Variants in INTS9 observed in about 807,000 individuals in gnomAD.
INTS9 encodes the protein integrator complex subunit 9.
In INTS9, 55 loss-of-function variants were observed where a neutral mutation model predicts 79.7. The ratio of observed to expected loss-of-function variants is 0.69; its 90% CI spans 0.56 to 0.86. The LOEUF (loss-of-function observed/expected upper bound fraction) is 0.86, where lower values mean the gene tolerates loss of function less well. Among genes scored for constraint, INTS9 ranks in the 40% least tolerant of loss-of-function variants. INTS9 has a pLI of 0.00. For synonymous variants in INTS9, 319 were observed against 325.2 expected (o/e 0.98, Z 0.20); for missense variants, 721 against 831.5 (o/e 0.87, Z 1.64).
rs1358804002 is a variant in INTS9 at position 28,806,252 on chromosome 8, AAAAC to A, written c.744+6071_744+6074del. 4.6e-5 allele frequency among the ~76,000 whole-genome samples: 7 copies of A among 152,282 alleles called. No homozygotes were observed. The East Asian group carries it at 1.4e-3, about 29-fold the overall frequency. On this transcript the variant is annotated intron_variant, in intron 8 of 16. Coordinates refer to ENST00000521022, the MANE Select transcript of INTS9 (RefSeq NM_018250.4). The stretch of plus-strand genomic sequence containing the variant: ...CTCAAAAAAACAAAACAAAACAAAA[AAAAC>A]CAGGCACATATGAAATGGGAAAAAG...
At chr8:28,808,655 T>C (rs1250968825) in intron 8 of INTS9, among the ~76,000 whole-genome samples, 1 of 152,240 alleles carries the variant, frequency 6.6e-6, no homozygotes, top group Non-Finnish European at 1.5e-5. Context: ...TTAACTGGAA[T>C]GGCCATTAAC....
chr8:28,835,680 C>T (rs1806770093), intron 5 of INTS9, among the ~76,000 whole-genome samples: 1 of 152,194 alleles, frequency 6.6e-6, no homozygotes, highest in Non-Finnish European at 1.5e-5. Flanking sequence ...TTTTAACTCT[C>T]ACTCTAAGAT....
chr8:28,849,254 C>G (rs969521035), intron 3 of INTS9, among the ~76,000 whole-genome samples: 1 of 152,086 alleles, frequency 6.6e-6, no homozygotes, highest in Non-Finnish European at 1.5e-5. Context: ...CTTCTTATAC[C>G]TCTGATTTTA....
intron 1 of INTS9, among the ~76,000 whole-genome samples, chr8:28,872,104 G>C (rs774637522): frequency 6.6e-6 from 1 of 152,180 alleles, no homozygotes. Flanking sequence ...TGGGGAAGTG[G>C]AAACTCTCAT....
intron 9 of INTS9, among the ~76,000 whole-genome samples, chr8:28,794,223 C>T (rs1240093410): frequency 1.3e-5 from 2 of 152,128 alleles, no homozygotes; most frequent in African/African-American, 2.4e-5. Flanking sequence ...CATGTGACTA[C>T]GGGTTTGGGT....
At chr8:28,855,185 A>G (rs1262361542) in intron 2 of INTS9, among the ~76,000 whole-genome samples, 1 of 152,218 alleles carries the variant, frequency 6.6e-6, no homozygotes, top group African/African-American at 2.4e-5. Flanking sequence ...TCCAAGCTGG[A>G]GAAACAATAC....
chr8:28,849,222 A>AG (rs1807692890), intron 3 of INTS9, among the ~76,000 whole-genome samples: 1 of 152,150 alleles, frequency 6.6e-6, no homozygotes, highest in African/African-American at 2.4e-5. Flanking sequence ...AATTGGCCTG[A>AG]GGGGGCTTTA....
chr8:28,877,867 T>C (rs73239186), intron 1 of INTS9, among the ~76,000 whole-genome samples: 1 of 152,314 alleles, frequency 6.6e-6, no homozygotes, highest in Non-Finnish European at 1.5e-5. Context: ...ACAATATCTT[T>C]CAGGCAAATA....
At chr8:28,853,597 TA>T (rs1314974027) in intron 2 of INTS9, among the ~76,000 whole-genome samples, 1 of 152,188 alleles carries the variant, frequency 6.6e-6, no homozygotes, top group Non-Finnish European at 1.5e-5. Context: ...ATTTTTAAAG[TA>T]ATTGTTTATT....
intron 8 of INTS9, among the ~76,000 whole-genome samples, chr8:28,809,875 G>C: frequency 6.6e-6 from 1 of 152,104 alleles, no homozygotes; most frequent in Non-Finnish European, 1.5e-5. Context: ...GGCTATAAAA[G>C]AAGGTATAAA....
rs144182484 is a variant in INTS9, at chr8:28,800,093, T to C, written c.745-3438A>G. 4.3e-3 allele frequency among the ~76,000 whole-genome samples: 654 copies of C among 152,332 alleles called. 7 individuals carry two copies. Among genetic ancestry groups the C allele is most frequent in the African/African-American group, 0.014 (595 of 41,584 alleles). On this transcript the variant is annotated intron_variant, in intron 8 of 16. Coordinates refer to ENST00000521022, the MANE Select transcript of INTS9 (RefSeq NM_018250.4). ...ACTCCAAACTGAAAGTACTATTTAC[T>C]TGTCTGTGTCCCCCACAGGACTCTG...
At chr8:28,885,209 T>G (rs1810118825) in intron 1 of INTS9, among the ~76,000 whole-genome samples, 1 of 152,242 alleles carries the variant, frequency 6.6e-6, no homozygotes, top group Non-Finnish European at 1.5e-5. Flanking sequence ...AAGAATGTAT[T>G]TCGTGGCCTT....
At chr8:28,812,001 A>G (rs1386234769) in intron 8 of INTS9, among the ~76,000 whole-genome samples, 1 of 152,200 alleles carries the variant, frequency 6.6e-6, no homozygotes, top group Admixed American at 6.5e-5. Flanking sequence ...TGTGCATGAC[A>G]CTTGACACTT....
rs78559720 is a variant in INTS9 at position 28,796,533 on chromosome 8, C to T, written c.856+11G>A. On this transcript the variant is annotated intron_variant, in intron 9 of 16. Coordinates refer to ENST00000521022, the MANE Select transcript of INTS9 (RefSeq NM_018250.4). ...AGATCATCCAACGTAAGATGAGAGA[C>T]GGTTGCACACCTAGGTTGCTGCAGA... 5.6e-4 allele frequency: 815 copies of T among 1,463,378 alleles called. 2 individuals carry two copies. The African/African-American group carries it at 9.9e-3, about 18-fold the overall frequency. The allele number at this position is 1,463,378 out of a possible 1,614,324, so 90.6% of individuals were successfully genotyped here. A position where few individuals can be genotyped will look rare whatever the true frequency, so the allele number is the denominator to read the frequency against.
intron 1 of INTS9, among the ~76,000 whole-genome samples, chr8:28,888,344 G>C (rs1326260139): frequency 6.6e-6 from 1 of 152,182 alleles, no homozygotes; most frequent in East Asian, 1.9e-4. Flanking sequence ...TTGAACCCAG[G>C]AGTTTGAGAC....
At chr8:28,835,245 G>C (rs1219551172) in intron 6 of INTS9, 47 bp downstream of exon 6, 1 of 1,309,704 alleles carries the variant, frequency 7.6e-7, no homozygotes, top group East Asian at 2.3e-5. Context: ...GCTTTGCAAA[G>C]CACCTGGCTC....
chr8:28,814,852 A>G (rs1184156442), intron 6 of INTS9, among the ~76,000 whole-genome samples: 1 of 152,212 alleles, frequency 6.6e-6, no homozygotes, highest in East Asian at 1.9e-4. Context: ...AAGAAAAAAA[A>G]TTAATGAAAA....
At chr8:28,821,071 C>T (rs1022155873) in intron 6 of INTS9, among the ~76,000 whole-genome samples, 1 of 151,942 alleles carries the variant, frequency 6.6e-6, no homozygotes, top group Non-Finnish European at 1.5e-5. Context: ...GAGAAATGGG[C>T]AATTTAGGGC....
chr8:28,834,073 C>T (rs1213883663), intron 6 of INTS9, among the ~76,000 whole-genome samples: 5 of 152,188 alleles, frequency 3.3e-5, no homozygotes, highest in Non-Finnish European at 7.3e-5. Flanking sequence ...CCCTTGGTTC[C>T]CACTCAGCTC....
Sources: gnomAD v4.1 joint callset for allele counts (sites outside exome capture counted in the v4.1 genomes callset) on GRCh38, gnomAD v4.1.1 for gene constraint, MANE v1.5 for transcripts, NCBI Gene and HGNC (gene_info 2026-07-23, HGNC 2026-07-21) for gene names.